The following CNTNAP2 variants were observed in gnomAD, a reference collection of about 807,000 sequenced individuals.
CNTNAP2 encodes contactin-associated protein-like 2.
In CNTNAP2, 98 loss-of-function variants were observed where a neutral mutation model predicts 155.2. That is an observed-to-expected ratio of 0.63 (90% CI 0.54 to 0.75). The LOEUF is 0.75. Among genes scored for constraint, CNTNAP2 ranks in the 30% least tolerant of loss-of-function variants. The pLI, the probability that CNTNAP2 is intolerant of heterozygous loss-of-function variation, is 0.00. For synonymous variants in CNTNAP2, 651 were observed against 631.2 expected (o/e 1.03, Z -0.47); for missense variants, 1,727 against 1,688.1 (o/e 1.02, Z -0.40).
At chr7:147,817,493 G>A (rs115733418) in intron 13 of CNTNAP2, among the ~76,000 whole-genome samples, 227 of 152,272 alleles carry the variant, frequency 1.5e-3, no homozygotes, top group African/African-American at 4.9e-3. Flanking sequence ...CATATATGGC[G>A]CAGTGTATAT....
At chr7:147,106,446 A>AT (rs1403229895) in intron 4 of CNTNAP2, among the ~76,000 whole-genome samples, 4 of 152,066 alleles carry the variant, frequency 2.6e-5, no homozygotes, top group African/African-American at 9.7e-5. Flanking sequence ...TAAACGATTG[A>AT]TTTTTTCCCT....
intron 4 of CNTNAP2, among the ~76,000 whole-genome samples, chr7:147,074,861 A>G (rs1429916163): frequency 6.6e-6 from 1 of 152,156 alleles, no homozygotes; most frequent in East Asian, 1.9e-4. Flanking sequence ...AGCTTCAACT[A>G]TGTTAATAGC....
intron 1 of CNTNAP2, among the ~76,000 whole-genome samples, chr7:146,710,504 G>A (rs945783311): frequency 2.0e-5 from 3 of 152,096 alleles, no homozygotes; most frequent in African/African-American, 7.2e-5. Context: ...ATCAACTACA[G>A]TATCCTCCTT....
intron 9 of CNTNAP2, among the ~76,000 whole-genome samples, chr7:147,333,179 T>A (rs1185851215): frequency 6.6e-6 from 1 of 152,110 alleles, no homozygotes; most frequent in Non-Finnish European, 1.5e-5. Context: ...AGATGGAACT[T>A]GTTGACTGAC....
At chr7:146,913,271 A>G (rs1585154311) in intron 3 of CNTNAP2, among the ~76,000 whole-genome samples, 1 of 152,176 alleles carries the variant, frequency 6.6e-6, no homozygotes, top group East Asian at 1.9e-4. Flanking sequence ...AGCTGCGAAT[A>G]TGGAAAGAGG....
At chr7:146,635,756 G>T (rs968137248) in intron 1 of CNTNAP2, among the ~76,000 whole-genome samples, 24 of 151,926 alleles carry the variant, frequency 1.6e-4, no homozygotes, top group Admixed American at 5.2e-4. Flanking sequence ...CTGCCTTCCG[G>T]AGTCCTCCTT....
chr7:147,293,086 A>G (rs1805348906), intron 8 of CNTNAP2, among the ~76,000 whole-genome samples: 1 of 152,112 alleles, frequency 6.6e-6, no homozygotes, highest in Non-Finnish European at 1.5e-5. Context: ...ATCATTTCTA[A>G]TAACACATCC....
At chr7:147,593,962 C>A (rs566691195) in intron 12 of CNTNAP2, among the ~76,000 whole-genome samples, 2 of 152,100 alleles carry the variant, frequency 1.3e-5, no homozygotes, top group Admixed American at 6.6e-5. Flanking sequence ...AACAGCTTCA[C>A]GAAGTAGGCA....
intron 13 of CNTNAP2, among the ~76,000 whole-genome samples, chr7:147,690,136 C>T (rs1246006842): frequency 6.6e-6 from 1 of 152,076 alleles, no homozygotes; most frequent in Non-Finnish European, 1.5e-5. Context: ...ATTCCAGATC[C>T]TTAGCATGGC....
At chr7:146,163,607 G>A (rs1229327260) in intron 1 of CNTNAP2, among the ~76,000 whole-genome samples, 1 of 143,176 alleles carries the variant, frequency 7.0e-6, no homozygotes, top group African/African-American at 2.7e-5. Flanking sequence ...ATATATCAGG[G>A]CGTGGTGACA....
chr7:148,118,744 G>A (rs972476881), intron 16 of CNTNAP2, among the ~76,000 whole-genome samples: 2 of 152,130 alleles, frequency 1.3e-5, no homozygotes, highest in African/African-American at 2.4e-5. Context: ...GAGACCACAG[G>A]ACTGGGCAAT....
At chr7:146,357,771 C>G (rs897719672) in intron 1 of CNTNAP2, among the ~76,000 whole-genome samples, 6 of 151,166 alleles carry the variant, frequency 4.0e-5, no homozygotes, top group African/African-American at 1.5e-4. Flanking sequence ...AGGTACTAAC[C>G]CCCCATTACC....
In CNTNAP2 at chr7:148,383,905, C is replaced by T. The variant is rs775660282; in HGVS notation, c.3715+17C>T. ...TGGATTCAGGTAAAGTCTTCAGCAA[C>T]CTCAGGCAGGTTGCTTCATTTCTTT... On this transcript the variant is annotated intron_variant, in intron 22 of 23. Transcript: ENST00000361727. The T allele has an allele frequency of 3.7e-6, 6 of 1,610,512 alleles. No individual in the cohort carries two copies. The South Asian group carries it at 5.5e-5, about 15-fold the overall frequency.
chr7:147,475,595 C>T (rs1354564041), intron 10 of CNTNAP2, among the ~76,000 whole-genome samples: 1 of 151,216 alleles, frequency 6.6e-6, no homozygotes, highest in Non-Finnish European at 1.5e-5. Flanking sequence ...ATATGCTTAC[C>T]AATTTGTCTT....
At chr7:147,880,908 A>AGATT (rs78951196) in intron 13 of CNTNAP2, among the ~76,000 whole-genome samples, 85,237 of 149,870 alleles carry the variant, frequency 0.57, 24,836 homozygotes, top group African/African-American at 0.69. Flanking sequence ...CAAGTAAGAT[A>AGATT]ATCAGTCTTA....
At chr7:147,265,141 T>C (rs11983029) in intron 8 of CNTNAP2, among the ~76,000 whole-genome samples, 29,875 of 152,154 alleles carry the variant, frequency 0.2, 3,204 homozygotes, top group Non-Finnish European at 0.23. Context: ...CAAGCAGGGC[T>C]GTGGGTACCC....
At chr7:148,136,045 GA>G (rs1804941199) in intron 16 of CNTNAP2, among the ~76,000 whole-genome samples, 3 of 80,476 alleles carry the variant, frequency 3.7e-5, no homozygotes, top group Non-Finnish European at 7.3e-5. Context: ...GGGAGGGAGG[GA>G]GGGGAAGGGA....
chr7:147,795,488 T>C (rs1451555599), intron 13 of CNTNAP2, among the ~76,000 whole-genome samples: 1 of 152,052 alleles, frequency 6.6e-6, no homozygotes, highest in Non-Finnish European at 1.5e-5. Context: ...TCTAATTTTA[T>C]TTGTCAGCTT....
chr7:147,149,220 G>A (rs992316435), intron 8 of CNTNAP2, among the ~76,000 whole-genome samples: 10 of 152,110 alleles, frequency 6.6e-5, no homozygotes, highest in Non-Finnish European at 1.5e-4. Context: ...GACACAGAGT[G>A]CTGATTGGTG....
Sources: allele counts gnomAD v4.1 joint callset (sites outside exome capture counted in the v4.1 genomes callset), GRCh38; gene constraint gnomAD v4.1.1; transcripts MANE v1.5; gene names NCBI Gene and HGNC (gene_info 2026-07-23, HGNC 2026-07-21).